SPATA17: variants seen among roughly 807,000 people sequenced by gnomAD.
SPATA17 encodes the protein spermatogenesis-associated protein 17.
SPATA17 carries 53 observed loss-of-function variants against 62.2 expected under a neutral mutation model. That is an observed-to-expected ratio of 0.85 (90% CI 0.68 to 1.07). The LOEUF is 1.07. Among genes scored for constraint, SPATA17 ranks in the 50% least tolerant of loss-of-function variants. The pLI is 0.00. For missense variants in SPATA17, 466 were observed against 425.5 expected (o/e 1.10, Z -0.84); for synonymous variants, 146 against 146.8 (o/e 0.99, Z 0.04).
At chr1:217,731,739 A>G (rs1180440624) in intron 5 of SPATA17, among the ~76,000 whole-genome samples, 1 of 152,188 alleles carries the variant, frequency 6.6e-6, no homozygotes, top group Non-Finnish European at 1.5e-5. Context: ...CAAACCCAAA[A>G]TGAACACTTG....
At chr1:217,796,006 G>A (rs1190923736) in intron 8 of SPATA17, among the ~76,000 whole-genome samples, 3 of 151,262 alleles carry the variant, frequency 2.0e-5, no homozygotes, top group Middle Eastern at 3.5e-3. Context: ...CCACGTTGCC[G>A]AAGCTGGTCT....
At chr1:217,649,980 T>A (rs1670272841) in intron 2 of SPATA17, among the ~76,000 whole-genome samples, 1 of 150,066 alleles carries the variant, frequency 6.7e-6, no homozygotes, top group African/African-American at 2.5e-5. Context: ...GCTCTTGTTG[T>A]CCAGGCTGCA....
chr1:217,809,554 T>C (rs2377703), intron 9 of SPATA17, among the ~76,000 whole-genome samples: 85,695 of 151,920 alleles, frequency 0.56, 24,563 homozygotes, highest in South Asian at 0.67. Context: ...CATGAGGAGG[T>C]AAAACCCAAG....
chr1:217,717,658 T>C (rs1035008667), intron 5 of SPATA17, among the ~76,000 whole-genome samples: 2 of 152,236 alleles, frequency 1.3e-5, no homozygotes, highest in Non-Finnish European at 2.9e-5. Flanking sequence ...TTTTTTTTTT[T>C]ACAAATCCCA....
At chr1:217,752,310 G>A (rs1196540237) in intron 6 of SPATA17, among the ~76,000 whole-genome samples, 1 of 152,120 alleles carries the variant, frequency 6.6e-6, no homozygotes, top group Non-Finnish European at 1.5e-5. Flanking sequence ...TTACAGGCAT[G>A]AGCCACCACA....
At chr1:217,736,313 C>G (rs6704309) in intron 5 of SPATA17, among the ~76,000 whole-genome samples, 1 of 151,878 alleles carries the variant, frequency 6.6e-6, no homozygotes. Context: ...GTAGTCTTTT[C>G]AAAATGTTTG....
At position 217,761,486 on chromosome 1, in the gene SPATA17, C is replaced by A. The variant is rs78644469; in HGVS notation, c.520-12848C>A. 4.6e-3 allele frequency among the ~76,000 whole-genome samples: 705 copies of A among 152,178 alleles called. 3 individuals are homozygous for A. The highest frequency in any genetic ancestry group is 0.016 in the African/African-American group (660 of 41,526). On this transcript the variant is annotated intron_variant, in intron 6 of 10. Coordinates refer to ENST00000366933, the MANE Select transcript of SPATA17 (RefSeq NM_138796.4). ...CCAATATACATATACATATATATAT[C>A]TCTCTCCACATCAACATTTATCAGA... is the stretch of plus-strand genomic sequence containing the variant.
rs570268071 is a variant in SPATA17, at chr1:217,864,857, A to G, written c.*2+2001A>G. Among the ~76,000 whole-genome samples, 4 of 152,270 alleles carry G rather than the reference A, an allele frequency of 2.6e-5. No individual in the cohort carries two copies. In the South Asian group the frequency reaches 6.2e-4, roughly 24 times the overall value. On this transcript the variant is annotated intron_variant, in intron 10 of 10. Transcript: ENST00000366933. ...TGAATATGAAATAATTACTTGCTAAATTATTTATACAGAAAGACAAAGATG... is the reference window on the plus strand; with the variant it reads ...TGAATATGAAATAATTACTTGCTAAGTTATTTATACAGAAAGACAAAGATG...
intron 3 of SPATA17, among the ~76,000 whole-genome samples, 159 bp from the exon 4 acceptor site, chr1:217,668,874 G>A (rs112918762): frequency 6.6e-6 from 1 of 152,062 alleles, no homozygotes; most frequent in African/African-American, 2.4e-5. Flanking sequence ...TATGTATTAG[G>A]AAGCCTATCT....
At chr1:217,851,604 T>C (rs1267051773) in intron 9 of SPATA17, among the ~76,000 whole-genome samples, 1 of 152,170 alleles carries the variant, frequency 6.6e-6, no homozygotes, top group East Asian at 1.9e-4. Context: ...TAATATGTTT[T>C]CTGTGACTGC....
chr1:217,808,209 G>A (rs1033210437), intron 9 of SPATA17, among the ~76,000 whole-genome samples: 1 of 152,148 alleles, frequency 6.6e-6, no homozygotes, highest in African/African-American at 2.4e-5. Flanking sequence ...AGCAAGTGTT[G>A]TACAAGTGCC....
intron 1 of SPATA17, among the ~76,000 whole-genome samples, chr1:217,631,756 CCT>C (rs968233207): frequency 6.6e-6 from 1 of 152,158 alleles, no homozygotes; most frequent in Non-Finnish European, 1.5e-5. Flanking sequence ...TGTTCAATAC[CCT>C]GACTGGGGGT....
chr1:217,755,985 G>A (rs1673032862), intron 6 of SPATA17, among the ~76,000 whole-genome samples: 1 of 151,784 alleles, frequency 6.6e-6, no homozygotes, highest in South Asian at 2.1e-4. Context: ...TCTTAATAAA[G>A]CACTTGCTAT....
At chr1:217,825,743 C>T (rs922227766) in intron 9 of SPATA17, among the ~76,000 whole-genome samples, 1 of 152,110 alleles carries the variant, frequency 6.6e-6, no homozygotes, top group African/African-American at 2.4e-5. Context: ...ATATAGTCTA[C>T]ATTCTTTCTA....
chr1:217,712,346 G>A (rs1472050226), intron 5 of SPATA17, among the ~76,000 whole-genome samples: 3 of 151,838 alleles, frequency 2.0e-5, no homozygotes, highest in Admixed American at 6.6e-5. Flanking sequence ...GGCTGGTCTC[G>A]AACTCCCAAC....
At chr1:217,643,400 C>T (rs985291592) in intron 1 of SPATA17, among the ~76,000 whole-genome samples, 1 of 152,072 alleles carries the variant, frequency 6.6e-6, no homozygotes, top group African/African-American at 2.4e-5. Flanking sequence ...TACTGGCTAC[C>T]TTCATGTGCA....
intron 5 of SPATA17, among the ~76,000 whole-genome samples, chr1:217,726,091 C>T (rs999577972): frequency 6.6e-6 from 1 of 152,008 alleles, no homozygotes; most frequent in African/African-American, 2.4e-5. Flanking sequence ...TCTAAAAATT[C>T]TTGTACTCTG....
At chr1:217,765,353 G>A (rs1476366153) in intron 6 of SPATA17, among the ~76,000 whole-genome samples, 1 of 151,224 alleles carries the variant, frequency 6.6e-6, no homozygotes, top group Non-Finnish European at 1.5e-5. Context: ...TCCTAATATG[G>A]AAGCTTAGAT....
At chr1:217,631,589 CA>C in intron 1 of SPATA17, 143 bp downstream of exon 1, 2 of 793,210 alleles carry the variant, frequency 2.5e-6, no homozygotes, top group South Asian at 3.5e-5. Flanking sequence ...GGGCTGCAAA[CA>C]TAATTGGGAG....
Sources: gnomAD v4.1 joint callset for allele counts (sites outside exome capture counted in the v4.1 genomes callset) on GRCh38, gnomAD v4.1.1 for gene constraint, MANE v1.5 for transcripts, NCBI Gene and HGNC (gene_info 2026-07-23, HGNC 2026-07-21) for gene names.